KIAA1217: variants seen among roughly 807,000 people sequenced by gnomAD.
The protein encoded by KIAA1217 is sickle tail protein homolog.
Under a neutral mutation model 163.9 loss-of-function variants are expected in KIAA1217, and 88 were observed. The ratio of observed to expected loss-of-function variants is 0.54; its 90% CI spans 0.45 to 0.64. KIAA1217 has a LOEUF of 0.64. Among genes scored for constraint, KIAA1217 ranks in the 30% least tolerant of loss-of-function variants. The pLI, the probability that KIAA1217 is intolerant of heterozygous loss-of-function variation, is 0.00. For missense variants in KIAA1217, 2,372 were observed against 2,475.0 expected, an observed-to-expected ratio of 0.96 and a Z score of 0.88; for synonymous variants, 903 against 923.1, an observed-to-expected ratio of 0.98 and a Z score of 0.39.
chr10:24,083,534 A>G (rs78198721), intron 2 of KIAA1217, among the ~76,000 whole-genome samples: 2 of 152,208 alleles, frequency 1.3e-5, no homozygotes, highest in African/African-American at 4.8e-5. Context: ...TTCTTCATAT[A>G]TACACATACA....
chr10:24,114,898 T>C (rs1383913101), intron 2 of KIAA1217, among the ~76,000 whole-genome samples: 1 of 152,196 alleles, frequency 6.6e-6, no homozygotes, highest in Admixed American at 6.5e-5. Context: ...TCTCTGCTTT[T>C]TGGAGCATAA....
At chr10:23,915,231 AAAG>A (rs1470036901) in intron 1 of KIAA1217, among the ~76,000 whole-genome samples, 1 of 152,128 alleles carries the variant, frequency 6.6e-6, no homozygotes, top group Non-Finnish European at 1.5e-5. Flanking sequence ...AGCTAAGAAA[AAAG>A]AAGAGGTCCT....
intron 2 of KIAA1217, among the ~76,000 whole-genome samples, chr10:24,177,643 C>T (rs1478436058): frequency 6.6e-6 from 1 of 151,748 alleles, no homozygotes; most frequent in African/African-American, 2.4e-5. Flanking sequence ...ACAAAGATGA[C>T]AGTTTAAAAA....
chr10:24,257,863 C>T (rs940581005), intron 2 of KIAA1217, among the ~76,000 whole-genome samples: 1 of 152,120 alleles, frequency 6.6e-6, no homozygotes, highest in African/African-American at 2.4e-5. Context: ...TGATGCTTCC[C>T]CTAGGCCCCA....
At chr10:24,064,762 A>G (rs557918908) in intron 2 of KIAA1217, among the ~76,000 whole-genome samples, 57 of 152,246 alleles carry the variant, frequency 3.7e-4, no homozygotes, top group African/African-American at 1.3e-3. Flanking sequence ...CTGTGAATCC[A>G]TCTGGTCCTG....
intron 1 of KIAA1217, among the ~76,000 whole-genome samples, chr10:23,991,740 G>A (rs1347305859): frequency 6.6e-6 from 1 of 152,118 alleles, no homozygotes; most frequent in African/African-American, 2.4e-5. Context: ...AGCAGACAGG[G>A]AATGGCATTC....
intron 1 of KIAA1217, among the ~76,000 whole-genome samples, chr10:23,883,337 T>C (rs1475825086): frequency 6.6e-6 from 1 of 151,704 alleles, no homozygotes. Flanking sequence ...ATGTGTAGAA[T>C]AAAAGGTGGG....
rs1055837184 is a variant in KIAA1217 at position 24,223,259 on chromosome 10, CT to C, written c.354+3351del. On this transcript the variant is annotated intron_variant, in intron 2 of 20. Transcript: ENST00000376454. ...TGGAGTTGCTCTGGTTCAAACGCCC[CT>C]AACACTGTCATTGCCCTTCTGCAAG... is the stretch of plus-strand genomic sequence containing the variant. Among the ~76,000 whole-genome samples, 43 of 152,178 alleles carry C rather than the reference CT, an allele frequency of 2.8e-4. 1 individual carries two copies. Among genetic ancestry groups the C allele is most frequent in the Non-Finnish European group, 2.9e-5 (2 of 68,038 alleles).
chr10:23,779,011 T>C (rs1055299677), intron 1 of KIAA1217, among the ~76,000 whole-genome samples: 3 of 152,220 alleles, frequency 2.0e-5, no homozygotes, highest in African/African-American at 7.2e-5. Context: ...TTTAACATTC[T>C]GAACAATGCT....
chr10:23,855,603 G>A (rs974611036), intron 1 of KIAA1217, among the ~76,000 whole-genome samples: 1 of 152,156 alleles, frequency 6.6e-6, no homozygotes, highest in East Asian at 1.9e-4. Flanking sequence ...ATCCTGCAGA[G>A]TGTTTTCCAA....
At chr10:24,022,758 C>A (rs182736829) in intron 2 of KIAA1217, among the ~76,000 whole-genome samples, 1 of 151,418 alleles carries the variant, frequency 6.6e-6, no homozygotes, top group African/African-American at 2.4e-5. Flanking sequence ...CCTTCCTAAA[C>A]GGGAATATTA....
chr10:24,295,120 G>C (rs2040435529), intron 2 of KIAA1217, among the ~76,000 whole-genome samples: 1 of 152,182 alleles, frequency 6.6e-6, no homozygotes. Flanking sequence ...CCTCTTCTGA[G>C]AATGAAAAAT....
At chr10:24,080,065 G>A (rs767032177) in intron 2 of KIAA1217, among the ~76,000 whole-genome samples, 2 of 152,202 alleles carry the variant, frequency 1.3e-5, no homozygotes, top group African/African-American at 4.8e-5. Flanking sequence ...CTTCCGGCCT[G>A]TGTCCTGTGG....
chr10:23,854,896 G>A (rs1286126456), intron 1 of KIAA1217, among the ~76,000 whole-genome samples: 2 of 152,008 alleles, frequency 1.3e-5, no homozygotes, highest in African/African-American at 2.4e-5. Context: ...TTTATTTTGA[G>A]CCTATGTGTG....
intron 2 of KIAA1217, chr10:24,158,921 A>G (rs980104715): frequency 5.1e-6 from 1 of 195,836 alleles, no homozygotes; most frequent in Admixed American, 5.9e-5. Context: ...AGCCTTTTTC[A>G]TTAAAGATAC....
rs1184450590 is a variant in KIAA1217, at chr10:23,934,545, G to A, written c.-320-72680G>A. On this transcript the variant is annotated intron_variant, in intron 1 of 18. Coordinates refer to the KIAA1217 transcript ENST00000376462. Reference sequence around the variant, plus strand: ...GAAGAAATAAAGAAAAATATATTAAGTGGTCTTTAAAGTATATATATATAT... The same window carrying A: ...GAAGAAATAAAGAAAAATATATTAAATGGTCTTTAAAGTATATATATATAT... 1.8e-5 allele frequency among the ~76,000 whole-genome samples: 2 copies of A among 112,692 alleles called. 1 individual carries two copies. The highest frequency in any genetic ancestry group is 1.9e-4 in the Admixed American group (2 of 10,692). The allele number at this position is 112,692 out of a possible 152,430, so 73.9% of individuals were successfully genotyped here. A position where few individuals can be genotyped will look rare whatever the true frequency, so the allele number is the denominator to read the frequency against.
chr10:23,851,864 G>GT (rs1232351518), intron 1 of KIAA1217, among the ~76,000 whole-genome samples: 1,889 of 151,078 alleles, frequency 0.013, 53 homozygotes, highest in African/African-American at 0.044. Context: ...GGGGTTGTTT[G>GT]TTTTTTTCTT....
chr10:24,522,716 G>A (rs562778883), intron 12 of KIAA1217, among the ~76,000 whole-genome samples: 1 of 152,340 alleles, frequency 6.6e-6, no homozygotes, highest in Non-Finnish European at 1.5e-5. Context: ...ACCTTCACTG[G>A]CCAGGCACAG....
chr10:23,861,375 A>G (rs1230682847), intron 1 of KIAA1217, among the ~76,000 whole-genome samples: 1 of 152,228 alleles, frequency 6.6e-6, no homozygotes, highest in Non-Finnish European at 1.5e-5. Flanking sequence ...TTTCTGAGCT[A>G]TAAGCAGTGA....
Sources: gnomAD v4.1 joint callset for allele counts (sites outside exome capture counted in the v4.1 genomes callset) on GRCh38, gnomAD v4.1.1 for gene constraint, MANE v1.5 for transcripts, NCBI Gene and HGNC (gene_info 2026-07-23, HGNC 2026-07-21) for gene names.